COL12A1: variants seen among roughly 807,000 people sequenced by gnomAD.
COL12A1 encodes collagen type XII alpha 1 chain, also known as collagen alpha-1(XII) chain.
Under a neutral mutation model 349.7 loss-of-function variants are expected in COL12A1, and 114 were observed. The observed-to-expected ratio is 0.33, with a 90% CI of 0.28 to 0.38. The LOEUF (loss-of-function observed/expected upper bound fraction) is 0.38. COL12A1 is among the 10% of genes least tolerant of loss of function. The pLI, the probability that COL12A1 is intolerant of heterozygous loss-of-function variation, is 1.00. For synonymous variants in COL12A1, 1,369 were observed against 1,329.0 expected, an observed-to-expected ratio of 1.03 and a Z score of -0.66; for missense variants, 3,284 against 3,756.9, an observed-to-expected ratio of 0.87 and a Z score of 3.29.
intron 33 of COL12A1, 132 bp from the exon 34 acceptor site, chr6:75,133,554 C>T: frequency 2.2e-6 from 2 of 914,432 alleles, no homozygotes; most frequent in Non-Finnish European, 3.2e-6. Flanking sequence ...TCATAATAAG[C>T]CCCCACATGA....
chr6:75,154,336 A>G, intron 17 of COL12A1, 80 bp downstream of exon 17: 2 of 1,414,498 alleles, frequency 1.4e-6, no homozygotes, highest in Non-Finnish European at 1.9e-6. Context: ...ATTGTTTTCC[A>G]TTGTATGATA....
chr6:75,146,237 C>T lies in COL12A1; in HGVS notation c.4425G>A (p.Val1475=), dbSNP rs372904002. 8 of 1,597,880 alleles carry T rather than the reference C, an allele frequency of 5.0e-6. No homozygotes were observed. The South Asian group carries it at 6.8e-5, about 14-fold the overall frequency. ...PLKGTEKTLP[V]PVVSLNIYDV... ...CATAAATATTCAGGCTGACTACAGG[C>T]ACTGGCACTTCCAAAACAGAAAAGC... Residue 1475 remains valine (V), a synonymous_variant, in exon 24 of 66, where the codon GTG becomes GTA. Coordinates refer to ENST00000322507, the MANE Select transcript of COL12A1 (RefSeq NM_004370.6).
chr6:75,178,875 GAA>G (rs935377441), intron 11 of COL12A1, among the ~76,000 whole-genome samples: 2 of 152,192 alleles, frequency 1.3e-5, no homozygotes, highest in Non-Finnish European at 2.9e-5. Context: ...CTCCAGGAAA[GAA>G]AGAAATGGTA....
chr6:75,091,157 T>C (rs1767742901), intron 62 of COL12A1, among the ~76,000 whole-genome samples, 166 bp downstream of exon 62: 1 of 152,208 alleles, frequency 6.6e-6, no homozygotes, highest in Non-Finnish European at 1.5e-5. Context: ...TAAAATATCA[T>C]TAACTTCATC....
intron 13 of COL12A1, among the ~76,000 whole-genome samples, chr6:75,167,650 T>A (rs769842084): frequency 2.6e-5 from 4 of 152,178 alleles, no homozygotes; most frequent in Non-Finnish European, 5.9e-5. Flanking sequence ...AGGCTAATGA[T>A]TTCACTGTGA....
chr6:75,158,583 A>G (rs1023126001), intron 14 of COL12A1, among the ~76,000 whole-genome samples: 8 of 152,170 alleles, frequency 5.3e-5, no homozygotes, highest in African/African-American at 1.9e-4. Context: ...TAGAAATGAC[A>G]TACATTACAG....
intron 2 of COL12A1, among the ~76,000 whole-genome samples, chr6:75,198,720 G>A (rs1314691966): frequency 6.6e-6 from 1 of 152,146 alleles, no homozygotes; most frequent in East Asian, 1.9e-4. Context: ...GGGAAGGATG[G>A]ATAGACAGGT....
intron 42 of COL12A1, 76 bp from the exon 43 acceptor site, chr6:75,123,480 A>G (rs1377749064): frequency 1.5e-5 from 18 of 1,185,866 alleles, no homozygotes; most frequent in Non-Finnish European, 2.0e-5. Flanking sequence ...TTTTAAGAGC[A>G]ATTTAAATCC....
At chr6:75,178,873 A>G (rs573392264) in intron 11 of COL12A1, among the ~76,000 whole-genome samples, 1 of 152,338 alleles carries the variant, frequency 6.6e-6, no homozygotes, top group Non-Finnish European at 1.5e-5. Flanking sequence ...CTCTCCAGGA[A>G]AGAAAGAAAT....
intron 14 of COL12A1, among the ~76,000 whole-genome samples, chr6:75,163,384 C>T (rs112949934): frequency 2.0e-3 from 309 of 152,196 alleles, no homozygotes; most frequent in African/African-American, 5.6e-3. Context: ...ATGTTGAAAA[C>T]GAACATTCTC....
chr6:75,124,048 G>C lies in COL12A1; in HGVS notation c.6771C>G (p.His2257Gln), dbSNP rs371417841. The change falls in exon 42 of 66, where the codon CAC becomes CAG. Residue 2257 changes from histidine (H) to glutamine (Q), a missense_variant. By Grantham distance (24) the His-to-Gln change is conservative. Transcript: ENST00000322507. ...TGTCTGGTGAAAGGCCAGTGAAGCA[G>C]TGACTGGTTTCTGATCCACGCACTG... ...EITVRGSETS[H>Q]CFTGLSPDTD... 8 of 1,613,866 alleles carry C rather than the reference G, an allele frequency of 5.0e-6. No homozygotes were observed. Among genetic ancestry groups the C allele is most frequent in the African/African-American group, 1.3e-5 (1 of 74,908 alleles).
chr6:75,168,524 A>G (rs1768436254), intron 13 of COL12A1, among the ~76,000 whole-genome samples: 1 of 152,228 alleles, frequency 6.6e-6, no homozygotes, highest in East Asian at 1.9e-4. Flanking sequence ...TGGGGCCCTC[A>G]GCAGCAAAAT....
intron 64 of COL12A1, among the ~76,000 whole-genome samples, chr6:75,088,731 G>C (rs573577873): frequency 6.6e-6 from 1 of 151,738 alleles, no homozygotes; most frequent in African/African-American, 2.4e-5. Context: ...GGCTGGGAGC[G>C]GTGGCTCACT....
intron 23 of COL12A1, among the ~76,000 whole-genome samples, chr6:75,147,426 T>A (rs1767252676): frequency 6.6e-6 from 1 of 152,190 alleles, no homozygotes; most frequent in African/African-American, 2.4e-5. Context: ...CATTAAAGGT[T>A]GTTTTCCCTC....
Position 75,181,798 on chromosome 6 carries a change from A to T in COL12A1, c.1892-587T>A, listed in dbSNP as rs532831596. On this transcript the variant is annotated intron_variant, in intron 10 of 65. Transcript: ENST00000322507. ...AATGCAACATTATTAACAACCAAAA[A>T]AAAAAGGCAGGAAGGGTATGGGGGC... 2.0e-5 allele frequency among the ~76,000 whole-genome samples: 3 copies of T among 152,228 alleles called. 1 individual carries two copies. Among genetic ancestry groups the T allele is most frequent in the African/African-American group, 7.2e-5 (3 of 41,538 alleles).
intron 22 of COL12A1, 34 bp from the exon 23 acceptor site, chr6:75,147,838 T>C (rs1281017790): frequency 6.2e-6 from 10 of 1,601,962 alleles, no homozygotes; most frequent in Non-Finnish European, 7.7e-6. Context: ...CAACAACGTA[T>C]GTATAATCAG....
intron 14 of COL12A1, among the ~76,000 whole-genome samples, chr6:75,157,620 T>A (rs1191672788): frequency 6.6e-6 from 1 of 152,104 alleles, no homozygotes; most frequent in African/African-American, 2.4e-5. Context: ...TGGAGGCTGG[T>A]GGCCTCCCTT....
chr6:75,088,514 G>C (rs1428568753), intron 64 of COL12A1, among the ~76,000 whole-genome samples: 1 of 150,688 alleles, frequency 6.6e-6, no homozygotes, highest in Non-Finnish European at 1.5e-5. Flanking sequence ...AGGGAAGGAA[G>C]GAAGGAGACA....
At chr6:75,117,842 A>T (rs575594938) in intron 46 of COL12A1, among the ~76,000 whole-genome samples, 67 of 152,316 alleles carry the variant, frequency 4.4e-4, no homozygotes, top group Admixed American at 1.0e-3. Flanking sequence ...CCACAGATCC[A>T]CAGTCCTGAT....
Sources: gnomAD v4.1 joint callset for allele counts (sites outside exome capture counted in the v4.1 genomes callset) on GRCh38, gnomAD v4.1.1 for gene constraint, MANE v1.5 for transcripts, NCBI Gene and HGNC (gene_info 2026-07-23, HGNC 2026-07-21) for gene names.